The following EBF2 variants were observed in gnomAD, a reference collection of about 807,000 sequenced individuals.
The protein encoded by EBF2 is EBF transcription factor 2, also known as transcription factor COE2.
In EBF2, 21 loss-of-function variants were observed where a neutral mutation model predicts 72.8. The ratio of observed to expected loss-of-function variants is 0.29; its 90% CI spans 0.20 to 0.42. The LOEUF is 0.42. Ranked by LOEUF, EBF2 falls within the 10% of genes least tolerant of loss-of-function variation. The probability of loss-of-function intolerance (pLI) is 1.00; values close to 1 mark genes in which losing one functional copy is unlikely to be tolerated. For synonymous variants in EBF2, 299 were observed against 274.2 expected (o/e 1.09, Z -0.89); for missense variants, 637 against 731.2 (o/e 0.87, Z 1.49).
At chr8:25,895,992 AT>A (rs1156378553) in intron 7 of EBF2, among the ~76,000 whole-genome samples, 3 of 151,644 alleles carry the variant, frequency 2.0e-5, no homozygotes, top group Admixed American at 6.6e-5. Context: ...TAACTGTATG[AT>A]TTAGTTGAAT....
At chr8:26,039,932 C>G in intron 5 of EBF2, 96 bp downstream of exon 5, 2 of 1,348,700 alleles carry the variant, frequency 1.5e-6, no homozygotes, top group South Asian at 2.4e-5. Flanking sequence ...TGCGAGCGCT[C>G]AGTCCTGAAA....
chr8:26,023,269 G>T (rs1328208098), intron 6 of EBF2, among the ~76,000 whole-genome samples: 1 of 152,206 alleles, frequency 6.6e-6, no homozygotes, highest in Non-Finnish European at 1.5e-5. Context: ...AGCTGGATAA[G>T]TTTGCAAAGA....
At chr8:25,889,407 G>T (rs1213648984) in intron 8 of EBF2, among the ~76,000 whole-genome samples, 1 of 152,022 alleles carries the variant, frequency 6.6e-6, no homozygotes, top group Non-Finnish European at 1.5e-5. Context: ...CTGTTTAAGG[G>T]CACATGTGAC....
chr8:26,006,237 T>A (rs1804879927), intron 6 of EBF2, among the ~76,000 whole-genome samples: 1 of 152,204 alleles, frequency 6.6e-6, no homozygotes, highest in Non-Finnish European at 1.5e-5. Context: ...ACCCTCACCA[T>A]TGACTCTTTC....
At chr8:26,014,742 A>G (rs1805080227) in intron 6 of EBF2, among the ~76,000 whole-genome samples, 1 of 152,188 alleles carries the variant, frequency 6.6e-6, no homozygotes, top group Non-Finnish European at 1.5e-5. Context: ...AAAGTCGTGA[A>G]CTACATAATA....
chr8:25,951,516 C>T (rs1315728636), intron 6 of EBF2, among the ~76,000 whole-genome samples: 2 of 152,154 alleles, frequency 1.3e-5, no homozygotes, highest in African/African-American at 4.8e-5. Context: ...TGGCTCTGTC[C>T]AAATAATTTT....
chr8:25,938,980 G>T (rs1350246192), intron 6 of EBF2, among the ~76,000 whole-genome samples: 1 of 152,026 alleles, frequency 6.6e-6, no homozygotes, highest in Non-Finnish European at 1.5e-5. Flanking sequence ...CAGAGACCTG[G>T]GAACCCCTCC....
In EBF2 at chr8:25,871,405, A is replaced by G. The variant is rs191583076; in HGVS notation, c.1010-8608T>C. Among the ~76,000 whole-genome samples the G allele has an allele frequency of 1.1e-3, 165 of 152,364 alleles. 2 individuals carry two copies. The highest frequency in any genetic ancestry group is 2.1e-3 in the Non-Finnish European group (144 of 68,038). On this transcript the variant is annotated intron_variant, in intron 10 of 15. Transcript: ENST00000520164. The stretch of plus-strand genomic sequence containing the variant: ...ACAGGGATACAGAGAAGTGCTGGCA[A>G]GGCAAAAACAGAGTAAATTAAAAAT...
chr8:26,007,606 A>G (rs1209815293), intron 6 of EBF2, among the ~76,000 whole-genome samples: 1 of 152,188 alleles, frequency 6.6e-6, no homozygotes, highest in Non-Finnish European at 1.5e-5. Context: ...CACTGAGAAT[A>G]TGGAGAAGTC....
chr8:25,914,594 G>A (rs1213127457), intron 6 of EBF2, among the ~76,000 whole-genome samples: 1 of 152,322 alleles, frequency 6.6e-6, no homozygotes, highest in East Asian at 1.9e-4. Flanking sequence ...TGGTGATGAC[G>A]CATCTGAGAA....
chr8:25,879,426 G>A (rs892888262), intron 10 of EBF2, among the ~76,000 whole-genome samples: 1 of 152,064 alleles, frequency 6.6e-6, no homozygotes, highest in African/African-American at 2.4e-5. Context: ...AGAATTGCTG[G>A]GTCAAAGGGC....
intron 7 of EBF2, among the ~76,000 whole-genome samples, chr8:25,903,186 G>GTT (rs1422780532): frequency 7.2e-6 from 1 of 139,074 alleles, no homozygotes; most frequent in African/African-American, 3.0e-5. Flanking sequence ...ATTTTGTCTG[G>GTT]GTTTTTTTTT....
intron 14 of EBF2, among the ~76,000 whole-genome samples, chr8:25,857,567 A>G (rs919291787): frequency 4.6e-5 from 7 of 152,272 alleles, no homozygotes; most frequent in African/African-American, 1.7e-4. Flanking sequence ...TTCCCTAGGT[A>G]GGTTTGAAAA....
At chr8:25,872,416 G>A (rs1038366091) in intron 10 of EBF2, among the ~76,000 whole-genome samples, 2 of 152,054 alleles carry the variant, frequency 1.3e-5, no homozygotes, top group African/African-American at 2.4e-5. Context: ...TCTTCCCTTG[G>A]ATCCTAGGAT....
chr8:25,959,058 G>A (rs1192182999), intron 6 of EBF2, among the ~76,000 whole-genome samples: 1 of 152,202 alleles, frequency 6.6e-6, no homozygotes, highest in East Asian at 1.9e-4. Flanking sequence ...CCGAGGGGAG[G>A]ATGAGCTGAG....
chr8:25,955,351 A>G (rs1803928839), intron 6 of EBF2, among the ~76,000 whole-genome samples: 1 of 152,212 alleles, frequency 6.6e-6, no homozygotes, highest in Non-Finnish European at 1.5e-5. Flanking sequence ...GGTGAGAGGA[A>G]GGCCCTAAAT....
At chr8:25,986,676 TA>T (rs11348975) in intron 6 of EBF2, among the ~76,000 whole-genome samples, 65,510 of 151,470 alleles carry the variant, frequency 0.43, 14,447 homozygotes, top group Middle Eastern at 0.51. Context: ...ACAACAACTT[TA>T]AAAAAAAACT....
intron 6 of EBF2, among the ~76,000 whole-genome samples, chr8:25,948,002 T>C (rs927082286): frequency 6.6e-6 from 1 of 152,236 alleles, no homozygotes; most frequent in Non-Finnish European, 1.5e-5. Flanking sequence ...ACATGGAAGA[T>C]GCATAATAAA....
chr8:26,022,089 C>A (rs1041346084), intron 6 of EBF2, among the ~76,000 whole-genome samples: 4 of 152,212 alleles, frequency 2.6e-5, no homozygotes, highest in Non-Finnish European at 4.4e-5. Flanking sequence ...ATCCTCCAAG[C>A]CTTCAGTACA....
Sources: gnomAD v4.1 joint callset for allele counts (sites outside exome capture counted in the v4.1 genomes callset) on GRCh38, gnomAD v4.1.1 for gene constraint, MANE v1.5 for transcripts, NCBI Gene and HGNC (gene_info 2026-07-23, HGNC 2026-07-21) for gene names.